The following SVEP1 variants were observed in gnomAD, a reference collection of about 807,000 sequenced individuals.
SVEP1 encodes the protein sushi, von Willebrand factor type A, EGF and pentraxin domain-containing protein 1.
SVEP1 carries 164 observed loss-of-function variants against 367.3 expected under a neutral mutation model. The observed-to-expected ratio is 0.45, with a 90% CI of 0.39 to 0.51. The LOEUF is 0.51. Ranked by LOEUF, SVEP1 falls within the 20% of genes least tolerant of loss-of-function variation. SVEP1 has a pLI of 0.00. For missense variants in SVEP1, 4,117 were observed against 4,425.3 expected (o/e 0.93, Z 1.98); for synonymous variants, 1,666 against 1,611.6 (o/e 1.03, Z -0.81).
At chr9:110,463,601 G>A (rs1303047744) in intron 18 of SVEP1, among the ~76,000 whole-genome samples, 1 of 141,986 alleles carries the variant, frequency 7.0e-6, no homozygotes, top group Non-Finnish European at 1.5e-5. Flanking sequence ...AAGAAAGAAA[G>A]GAAGAAAAAG....
Position 110,429,996 on chromosome 9 carries a change from A to G in SVEP1, c.5539T>C (p.Cys1847Arg). ...TTTTCTGGAATAGCCGGTTTACCAC[A>G]TGAAACAGCTTAACAAAGGAAAAAC... ...HLIPYCKAVS[C>R]GKPAIPENGC... Residue 1847 changes from cysteine to arginine, a missense_variant, in exon 34 of 48, where the codon TGT becomes CGT. Transcript: ENST00000374469. 1 of 1,612,306 alleles carries G rather than the reference A, an allele frequency of 6.2e-7. No individual in the cohort carries two copies. Among genetic ancestry groups the G allele is most frequent in the Non-Finnish European group, 8.5e-7 (1 of 1,179,734 alleles).
rs906384925 is a variant in SVEP1, at chr9:110,458,371, A to G, written c.3576+100T>C. 2.5e-5 allele frequency: 25 copies of G among 982,076 alleles called. No individual in the cohort carries two copies. In the African/African-American group the frequency reaches 3.9e-4, roughly 15 times the overall value. The allele number at this position is 982,076 out of a possible 1,614,324, so 60.8% of individuals were successfully genotyped here. A position where few individuals can be genotyped will look rare whatever the true frequency, so the allele number is the denominator to read the frequency against. ...TAAAATTCATACATCTTGATTACTT[A>G]AAGTTTCAATCCTGGTCCTTTTCCT... On this transcript the variant is annotated intron_variant, in intron 20 of 47. Transcript: ENST00000374469.
At chr9:110,567,113 A>G (rs1446245828) in intron 1 of SVEP1, among the ~76,000 whole-genome samples, 1 of 152,222 alleles carries the variant, frequency 6.6e-6, no homozygotes, top group Admixed American at 6.5e-5. Flanking sequence ...TGCTTGATAC[A>G]CTAAAATGAA....
Position 110,404,393 on chromosome 9 carries a change from A to G in SVEP1, c.9600T>C (p.Asn3200=), listed in dbSNP as rs774312372. The G allele has an allele frequency of 6.2e-7, 1 of 1,613,984 alleles. No individual in the cohort carries two copies. The highest frequency in any genetic ancestry group is 1.1e-5 in the South Asian group (1 of 91,082). ...ILVHGDDFSV[N]RQVSVSCAEG... ...CTGCACATGACACAGAAACTTGCCT[A>G]TTCACACTGAAATCGTCCCCATGTA... Residue 3200 remains asparagine, a synonymous_variant, in exon 39 of 48, where the codon AAT becomes AAC. Transcript: ENST00000374469.
chr9:110,464,563 A>C (rs1828907226), intron 18 of SVEP1, among the ~76,000 whole-genome samples: 2 of 152,072 alleles, frequency 1.3e-5, no homozygotes, highest in African/African-American at 4.8e-5. Flanking sequence ...ATCTCTCTCT[A>C]ACTGGATGAA....
chr9:110,434,063 T>C (rs1332739495), intron 30 of SVEP1, among the ~76,000 whole-genome samples: 1 of 152,192 alleles, frequency 6.6e-6, no homozygotes, highest in Non-Finnish European at 1.5e-5. Context: ...ATGACCCATC[T>C]ATCTCTGGGC....
intron 35 of SVEP1, 149 bp from the exon 36 acceptor site, chr9:110,427,907 A>C: frequency 1.1e-6 from 1 of 911,242 alleles, no homozygotes; most frequent in South Asian, 1.8e-5. Flanking sequence ...GCTTTATATG[A>C]AAGCAAGAGA....
At chr9:110,549,470 C>A (rs1449524041) in intron 2 of SVEP1, among the ~76,000 whole-genome samples, 1 of 152,084 alleles carries the variant, frequency 6.6e-6, no homozygotes, top group Non-Finnish European at 1.5e-5. Flanking sequence ...TGGTAAGTTT[C>A]ACTGAGCATG....
chr9:110,409,850 CAAAT>C (rs1003902829), intron 37 of SVEP1, among the ~76,000 whole-genome samples: 2 of 136,296 alleles, frequency 1.5e-5, no homozygotes, highest in East Asian at 2.0e-4. Flanking sequence ...AGGTCATAAA[CAAAT>C]AAACAAAATT....
intron 40 of SVEP1, among the ~76,000 whole-genome samples, chr9:110,394,371 C>T (rs1827723394): frequency 6.6e-6 from 1 of 152,046 alleles, no homozygotes; most frequent in Non-Finnish European, 1.5e-5. Context: ...TCATCAAAGA[C>T]CAAAGGTAGA....
In SVEP1 at chr9:110,404,555, G is replaced by A; in HGVS notation, c.9441-3C>T. The A allele has an allele frequency of 6.2e-7, 1 of 1,613,354 alleles. No homozygotes were observed. Among genetic ancestry groups the A allele is most frequent in the Non-Finnish European group, 8.5e-7 (1 of 1,179,342 alleles). On this transcript the variant is annotated splice_polypyrimidine_tract_variant and splice_region_variant and intron_variant, in intron 38 of 47. Transcript: ENST00000374469. ...CCATCGTATAACCTTCCAGACATCTGCAATGGAAATGCAAAAATGAGTGCC... is the reference window on the plus strand; with the variant it reads ...CCATCGTATAACCTTCCAGACATCTACAATGGAAATGCAAAAATGAGTGCC...
intron 3 of SVEP1, among the ~76,000 whole-genome samples, chr9:110,521,974 A>G (rs889204761): frequency 6.6e-6 from 1 of 152,076 alleles, no homozygotes; most frequent in Non-Finnish European, 1.5e-5. Context: ...TCCCTTAAAT[A>G]TTTGATCCAT....
At chr9:110,415,366 T>C (rs73655345) in intron 36 of SVEP1, among the ~76,000 whole-genome samples, 1 of 152,068 alleles carries the variant, frequency 6.6e-6, no homozygotes, top group East Asian at 1.9e-4. Flanking sequence ...ATGGTAAGCA[T>C]GTGGCTTATA....
intron 20 of SVEP1, among the ~76,000 whole-genome samples, chr9:110,457,649 C>G (rs1188782705): frequency 6.6e-6 from 1 of 152,148 alleles, no homozygotes; most frequent in Non-Finnish European, 1.5e-5. Flanking sequence ...GGGCGTCAAC[C>G]CAGATTAGCT....
chr9:110,490,869 T>C (rs539835069), intron 8 of SVEP1, among the ~76,000 whole-genome samples: 7 of 152,136 alleles, frequency 4.6e-5, no homozygotes, highest in African/African-American at 1.4e-4. Context: ...TATTTTTTAC[T>C]TCTTGAATTG....
chr9:110,458,248 T>A (rs1828807425), intron 20 of SVEP1: 2 of 604,946 alleles, frequency 3.3e-6, no homozygotes, highest in African/African-American at 1.9e-5. Flanking sequence ...TGCCAGGCAT[T>A]TCTGGGAAAA....
intron 3 of SVEP1, among the ~76,000 whole-genome samples, chr9:110,537,571 A>T (rs948648142): frequency 6.6e-6 from 1 of 151,994 alleles, no homozygotes; most frequent in Non-Finnish European, 1.5e-5. Context: ...AATATGTTAC[A>T]TTAGAATAGA....
chr9:110,464,719 C>A (rs781352644), intron 18 of SVEP1, among the ~76,000 whole-genome samples: 19 of 152,056 alleles, frequency 1.2e-4, no homozygotes, highest in South Asian at 4.2e-4. Context: ...TTGCCATAGA[C>A]CTTAGGTTTT....
chr9:110,367,561 C>CCCCTCCCACTT (rs752601723), intron 47 of SVEP1, among the ~76,000 whole-genome samples: 1 of 152,148 alleles, frequency 6.6e-6, no homozygotes, highest in Non-Finnish European at 1.5e-5. Flanking sequence ...AGCACTCTTC[C>CCCCTCCCACTT]CCCTCCCACT....
Sources: gnomAD v4.1 joint callset for allele counts (sites outside exome capture counted in the v4.1 genomes callset) on GRCh38, gnomAD v4.1.1 for gene constraint, MANE v1.5 for transcripts, NCBI Gene and HGNC (gene_info 2026-07-23, HGNC 2026-07-21) for gene names.